The following RAG1 variants were observed in gnomAD, a reference collection of about 807,000 sequenced individuals.
RAG1 encodes the protein recombination activating 1.
A neutral mutation model predicts 62.7 loss-of-function variants in RAG1; 35 were observed. The observed-to-expected ratio is 0.56, with a 90% CI of 0.43 to 0.74. The LOEUF (loss-of-function observed/expected upper bound fraction) is 0.74, where lower values mean the gene tolerates loss of function less well. RAG1 is among the 30% of genes least tolerant of loss of function. RAG1 has a pLI of 0.00. For missense variants in RAG1, 1,169 were observed against 1,278.6 expected, an observed-to-expected ratio of 0.91 and a Z score of 1.31; for synonymous variants, 461 against 470.3, an observed-to-expected ratio of 0.98 and a Z score of 0.26.
chr11:36,537,201 G>A (rs1052109131), downstream of RAG1, among the ~76,000 whole-genome samples: 72 of 152,278 alleles, frequency 4.7e-4, no homozygotes, highest in African/African-American at 1.7e-3. Context: ...CTAGAGATCT[G>A]TTGTACAACC....
chr11:36,528,905 T>A (rs1476010421), intron 2 of RAG1, among the ~76,000 whole-genome samples: 1 of 152,064 alleles, frequency 6.6e-6, no homozygotes, highest in Non-Finnish European at 1.5e-5. Flanking sequence ...AAGAAATGGA[T>A]AAATTCCCAG....
intron 1 of RAG1, among the ~76,000 whole-genome samples, chr11:36,511,325 A>G (rs747129048): frequency 5.9e-5 from 9 of 152,134 alleles, no homozygotes; most frequent in Non-Finnish European, 1.3e-4. Flanking sequence ...GTGGTGGTGC[A>G]TATCTGTAGT....
At chr11:36,569,464 C>T (rs1339767760) in intron 1 of RAG1, among the ~76,000 whole-genome samples, 1 of 152,182 alleles carries the variant, frequency 6.6e-6, no homozygotes, top group Non-Finnish European at 1.5e-5. Flanking sequence ...TTTCACAATC[C>T]TAACTTCATG....
At position 36,572,882 on chromosome 11, in the gene RAG1, T is replaced by A. The variant is rs547240762; in HGVS notation, c.-14-409T>A. On this transcript the variant is annotated intron_variant, in intron 1 of 1. Transcript: ENST00000299440. ...AGCTAGTACAATGAGGCTAATACAA[T>A]GTGGAAAATATTACTTTTCTTTGAT... Among the ~76,000 whole-genome samples, 5 of 152,306 alleles carry A rather than the reference T, an allele frequency of 3.3e-5. No individual in the cohort carries two copies. The East Asian group carries it at 9.7e-4, about 29-fold the overall frequency.
chr11:36,549,050 C>G (rs1850443556), intron 3 of RAG1, among the ~76,000 whole-genome samples: 1 of 151,862 alleles, frequency 6.6e-6, no homozygotes, highest in African/African-American at 2.4e-5. Context: ...TAAATGATGT[C>G]AGAAAAACTG....
upstream of RAG1, chr11:36,567,480 G>C (rs1217074577): frequency 6.6e-6 from 1 of 152,132 alleles, no homozygotes; most frequent in Non-Finnish European, 1.5e-5. Flanking sequence ...GTAGTTACAA[G>C]GAGCATCAAC....
At chr11:36,562,002 G>C (rs1850591287) in intron 3 of RAG1, among the ~76,000 whole-genome samples, 1 of 152,204 alleles carries the variant, frequency 6.6e-6, no homozygotes, top group Admixed American at 6.5e-5. Flanking sequence ...TGTGGCTGCG[G>C]GTAAGTGGGA....
intron 3 of RAG1, among the ~76,000 whole-genome samples, chr11:36,551,356 G>C (rs1010808183): frequency 6.6e-6 from 1 of 152,058 alleles, no homozygotes; most frequent in African/African-American, 2.4e-5. Context: ...AAGTATCATA[G>C]AGTAGGTAGC....
At chr11:36,572,186 C>A (rs75083727) in intron 1 of RAG1, among the ~76,000 whole-genome samples, 1,660 of 152,194 alleles carry the variant, frequency 0.011, 20 homozygotes, top group Non-Finnish European at 0.014. Flanking sequence ...AAAGAATTAA[C>A]CCAGGCAAAT....
intron 2 of RAG1, among the ~76,000 whole-genome samples, chr11:36,521,307 C>A (rs1705305483): frequency 6.6e-6 from 1 of 152,008 alleles, no homozygotes; most frequent in Admixed American, 6.6e-5. Context: ...GTGGGAGGGA[C>A]CCGGTAAAAG....
chr11:36,549,329 A>G (rs1025107719), intron 3 of RAG1, among the ~76,000 whole-genome samples: 3 of 152,250 alleles, frequency 2.0e-5, no homozygotes, highest in African/African-American at 7.2e-5. Flanking sequence ...CATCAGAGTG[A>G]ACAGGCAACC....
chr11:36,576,592 A>C lies in RAG1; in HGVS notation c.*156A>C. ...ATGCTACAGATGCTCTCAAGTCAGG[A>C]ATAGAAACTGATGAGCTGATTGCTT... On this transcript the variant is annotated 3_prime_UTR_variant, in exon 2 of 2. Transcript: ENST00000299440. The C allele has an allele frequency of 1.2e-6, 1 of 856,030 alleles. No homozygotes were observed. Among genetic ancestry groups the C allele is most frequent in the Non-Finnish European group, 1.9e-6 (1 of 536,656 alleles). 53.0% of individuals were successfully genotyped at this position (856,030 alleles called of 1,614,324 possible).
At chr11:36,568,209 TC>T (rs1460981439) in intron 1 of RAG1, 87 bp downstream of exon 1, 1 of 152,166 alleles carries the variant, frequency 6.6e-6, no homozygotes, top group Non-Finnish European at 1.5e-5. Flanking sequence ...TTTTTTTCCT[TC>T]CAGGTGATGA....
Position 36,573,289 on chromosome 11 carries a change from A to C in RAG1, c.-14-2A>C, listed in dbSNP as rs748933006. ...AATATGACTTGTTTTCATTGTTCTC[A>C]GGTACCTCAGCCAGCATGGCAGCCT... On this transcript the variant is annotated splice_acceptor_variant, in intron 1 of 1. Transcript: ENST00000299440. LOFTEE classifies it low-confidence loss of function (5UTR_SPLICE). 6.2e-7 allele frequency: 1 copy of C among 1,614,064 alleles called. No homozygotes were observed. Among genetic ancestry groups the C allele is most frequent in the Non-Finnish European group, 8.5e-7 (1 of 1,179,968 alleles).
At chr11:36,518,552 A>G (rs1860029922) in intron 1 of RAG1, among the ~76,000 whole-genome samples, 2 of 152,156 alleles carry the variant, frequency 1.3e-5, no homozygotes, top group African/African-American at 4.8e-5. Flanking sequence ...GTGAGATGGT[A>G]TCTCATTGTG....
At chr11:36,567,377 G>A (rs976648314), upstream of RAG1, 1 of 152,184 alleles carries the variant, frequency 6.6e-6, no homozygotes, top group African/African-American at 2.4e-5. Flanking sequence ...TGAGATTGAA[G>A]TTCCTAAAGT....
chr11:36,563,155 A>G (rs1175384054), upstream of RAG1, among the ~76,000 whole-genome samples: 1 of 152,204 alleles, frequency 6.6e-6, no homozygotes, highest in Admixed American at 6.5e-5. Flanking sequence ...TGTCAGCTTG[A>G]CTGGGCGAAG....
chr11:36,514,473 G>A (rs958378397), intron 1 of RAG1, among the ~76,000 whole-genome samples: 2 of 152,138 alleles, frequency 1.3e-5, no homozygotes, highest in African/African-American at 4.8e-5. Context: ...ATGGTTTTGG[G>A]TTGATTCAAG....
chr11:36,524,889 G>T (rs1860136447), intron 2 of RAG1, among the ~76,000 whole-genome samples: 1 of 152,150 alleles, frequency 6.6e-6, no homozygotes. Flanking sequence ...TGGCAAAAAT[G>T]TCTTTTCATA....
Sources: allele counts gnomAD v4.1 joint callset (sites outside exome capture counted in the v4.1 genomes callset), GRCh38; gene constraint gnomAD v4.1.1; transcripts MANE v1.5; gene names NCBI Gene and HGNC (gene_info 2026-07-23, HGNC 2026-07-21).